RBFOX3: variants seen among roughly 807,000 people sequenced by gnomAD.
RBFOX3 encodes RNA binding fox-1 homolog 3, also known as RNA binding protein fox-1 homolog 3.
Under a neutral mutation model 48.7 loss-of-function variants are expected in RBFOX3, and 17 were observed. The ratio of observed to expected loss-of-function variants is 0.35; its 90% CI spans 0.24 to 0.52. The LOEUF is 0.52. RBFOX3 is among the 20% of genes least tolerant of loss of function. The pLI, the probability that RBFOX3 is intolerant of heterozygous loss-of-function variation, is 0.94. For missense variants in RBFOX3, 382 were observed against 497.5 expected (o/e 0.77, Z 2.21); for synonymous variants, 212 against 209.5 (o/e 1.01, Z -0.10).
intron 4 of RBFOX3, among the ~76,000 whole-genome samples, chr17:79,174,350 C>G (rs1461131455): frequency 6.7e-6 from 1 of 149,042 alleles, no homozygotes; most frequent in East Asian, 2.0e-4. Flanking sequence ...AATGCAGCCA[C>G]ACGTGCACAC....
At chr17:79,520,319 G>C (rs1334858439) in intron 1 of RBFOX3, among the ~76,000 whole-genome samples, 1 of 152,222 alleles carries the variant, frequency 6.6e-6, no homozygotes, top group African/African-American at 2.4e-5. Flanking sequence ...CGGAGACTGG[G>C]GACGTGCAGG....
intron 2 of RBFOX3, among the ~76,000 whole-genome samples, chr17:79,323,053 G>A (rs1568040382): frequency 6.6e-6 from 1 of 152,230 alleles, no homozygotes; most frequent in Non-Finnish European, 1.5e-5. Context: ...AGCAGGCCTG[G>A]TTTAGACAGA....
intron 1 of RBFOX3, among the ~76,000 whole-genome samples, chr17:79,608,315 C>A (rs1391814532): frequency 6.6e-6 from 1 of 152,244 alleles, no homozygotes; most frequent in Non-Finnish European, 1.5e-5. Context: ...CGCAAAGGCC[C>A]ATCCGAGTAA....
Position 79,587,186 on chromosome 17 carries a change from G to A in RBFOX3, c.-320+23640C>T, listed in dbSNP as rs932132586. 7.2e-5 allele frequency among the ~76,000 whole-genome samples: 11 copies of A among 152,250 alleles called. No homozygotes were observed. The East Asian group carries it at 1.9e-3, about 27-fold the overall frequency. ...GTGCCTCCACTCTCCAAGACCCCCC[G>A]CAACCCTGAGAATAGGAAGGTGGTG... On this transcript the variant is annotated intron_variant, in intron 1 of 14. Transcript: ENST00000693108.
intron 14 of RBFOX3, among the ~76,000 whole-genome samples, chr17:79,092,811 G>A (rs2074221530): frequency 1.3e-5 from 2 of 152,246 alleles, no homozygotes; most frequent in Admixed American, 6.5e-5. Context: ...GCAACAGGAA[G>A]AGTAGGACCT....
intron 2 of RBFOX3, among the ~76,000 whole-genome samples, chr17:79,355,668 C>T (rs192509194): frequency 1.3e-5 from 2 of 152,232 alleles, no homozygotes; most frequent in Non-Finnish European, 2.9e-5. Flanking sequence ...GCAACCTCCA[C>T]CTCCCAGGTT....
intron 1 of RBFOX3, among the ~76,000 whole-genome samples, chr17:79,546,509 C>T (rs983360851): frequency 6.7e-6 from 1 of 150,370 alleles, no homozygotes; most frequent in African/African-American, 2.5e-5. Context: ...GTCTGTAGCC[C>T]CCTCCATGCC....
chr17:79,265,734 C>T (rs1332420989), intron 3 of RBFOX3, among the ~76,000 whole-genome samples: 5 of 152,206 alleles, frequency 3.3e-5, no homozygotes, highest in Admixed American at 1.3e-4. Flanking sequence ...TGAATTCTCT[C>T]CCATTCCGGA....
chr17:79,466,596 C>A (rs1306121232), intron 2 of RBFOX3, among the ~76,000 whole-genome samples: 1 of 152,214 alleles, frequency 6.6e-6, no homozygotes, highest in African/African-American at 2.4e-5. Context: ...CATGCATGCC[C>A]ATTGGAGGAC....
chr17:79,315,983 G>C (rs1350363541), intron 2 of RBFOX3, among the ~76,000 whole-genome samples: 3 of 152,244 alleles, frequency 2.0e-5, no homozygotes, highest in Non-Finnish European at 4.4e-5. Flanking sequence ...GGGGTCTTTG[G>C]GGGAGGAAAG....
intron 2 of RBFOX3, among the ~76,000 whole-genome samples, chr17:79,468,273 A>C (rs374188330): frequency 3.1e-4 from 47 of 152,320 alleles, no homozygotes; most frequent in African/African-American, 1.0e-3. Flanking sequence ...GAATAAATGG[A>C]TACCTGCATA....
chr17:79,166,015 C>T (rs566223526), intron 4 of RBFOX3, among the ~76,000 whole-genome samples: 1 of 152,352 alleles, frequency 6.6e-6, no homozygotes, highest in Non-Finnish European at 1.5e-5. Flanking sequence ...CGGGTTTACA[C>T]AGAGGGAAAC....
chr17:79,453,625 C>T (rs1168218254), intron 2 of RBFOX3, among the ~76,000 whole-genome samples: 6 of 152,000 alleles, frequency 3.9e-5, no homozygotes, highest in African/African-American at 9.7e-5. Context: ...AGAGTGGGTG[C>T]GGAGATGTGT....
chr17:79,155,030 G>A (rs2045464052), intron 4 of RBFOX3, among the ~76,000 whole-genome samples: 3 of 152,218 alleles, frequency 2.0e-5, no homozygotes, highest in Admixed American at 2.0e-4. Context: ...CCAAAGGGTG[G>A]GTGGGGGAGG....
At chr17:79,520,522 C>A (rs1267221321) in intron 1 of RBFOX3, among the ~76,000 whole-genome samples, 2 of 152,234 alleles carry the variant, frequency 1.3e-5, no homozygotes, top group African/African-American at 4.8e-5. Flanking sequence ...CACCCAGACA[C>A]ACACGTTCCC....
In RBFOX3 at chr17:79,101,786, C is replaced by G. The variant is rs184225014; in HGVS notation, c.508-142G>C. Reference sequence around the variant, plus strand: ...TCTCTCCACCATGCTGCCTGCCCTCCGGGAGCCTTGGCCCCCACTGCTCCC... The same window carrying G: ...TCTCTCCACCATGCTGCCTGCCCTCGGGGAGCCTTGGCCCCCACTGCTCCC... On this transcript the variant is annotated intron_variant, in intron 8 of 14. Coordinates refer to ENST00000693108, the MANE Select transcript of RBFOX3 (RefSeq NM_001350451.2). 3.6e-3 allele frequency: 2,809 copies of G among 790,856 alleles called. 60 individuals carry two copies. The African/African-American group carries it at 0.043, about 12-fold the overall frequency. 49.0% of individuals were successfully genotyped at this position (790,856 alleles called of 1,614,324 possible). A position where few individuals can be genotyped will look rare whatever the true frequency, so the allele number is the denominator to read the frequency against.
chr17:79,364,268 C>G lies in RBFOX3; in HGVS notation c.-174-56444G>C, dbSNP rs889167369. On this transcript the variant is annotated intron_variant, in intron 2 of 14. Transcript: ENST00000693108. The surrounding 1 kb of genome is among the most constrained non-coding windows in gnomAD (Gnocchi z 5.1). ...GATGGTAGCCATCAGTTGACAGGAT[C>G]ACCAAATCCCAAATCTCCATTTCCT... Among the ~76,000 whole-genome samples, 2 of 152,224 alleles carry G rather than the reference C, an allele frequency of 1.3e-5. No individual in the cohort carries two copies. The highest frequency in any genetic ancestry group is 2.4e-5 in the African/African-American group (1 of 41,454).
In RBFOX3 at chr17:79,175,051, C is replaced by T. The variant is rs140208128; in HGVS notation, c.-33-59303G>A. Among the ~76,000 whole-genome samples, 155 of 152,338 alleles carry T rather than the reference C, an allele frequency of 1.0e-3. 1 individual carries two copies. The highest frequency in any genetic ancestry group is 3.5e-3 in the African/African-American group (147 of 41,582). On this transcript the variant is annotated intron_variant, in intron 4 of 14. Coordinates refer to ENST00000693108, the MANE Select transcript of RBFOX3 (RefSeq NM_001350451.2). ...CCCAGCCCCTCCTGCCTCTTCCTTC[C>T]TCTTCCTCCATACCTGGCAAGTCTA...
chr17:79,454,339 C>T (rs1349115859), intron 2 of RBFOX3, among the ~76,000 whole-genome samples: 6 of 152,134 alleles, frequency 3.9e-5, no homozygotes, highest in African/African-American at 1.4e-4. Flanking sequence ...TCTGTCCTGC[C>T]CCAGGGCCAG....
Sources: gnomAD v4.1 joint callset for allele counts (sites outside exome capture counted in the v4.1 genomes callset) on GRCh38, gnomAD v4.1.1 for gene constraint, Gnocchi (gnomAD v3.1) non-coding constraint, MANE v1.5 for transcripts, NCBI Gene and HGNC (gene_info 2026-07-23, HGNC 2026-07-21) for gene names.